PRKAR2B: variants seen among roughly 807,000 people sequenced by gnomAD.
PRKAR2B encodes protein kinase cAMP-dependent type II regulatory subunit beta.
A neutral mutation model predicts 49.9 loss-of-function variants in PRKAR2B; 14 were observed. That is an observed-to-expected ratio of 0.28 (90% CI 0.19 to 0.44). The LOEUF is 0.44. PRKAR2B is among the 20% of genes least tolerant of loss of function. The pLI, the probability that PRKAR2B is intolerant of heterozygous loss-of-function variation, is 1.00. For missense variants in PRKAR2B, 393 were observed against 537.9 expected (o/e 0.73, Z 2.67); for synonymous variants, 196 against 197.7 (o/e 0.99, Z 0.07).
In PRKAR2B at chr7:107,044,889, C is replaced by G. The variant is rs1030220286; in HGVS notation, c.-19C>G. The G allele has an allele frequency of 2.5e-6, 4 of 1,576,540 alleles. No individual in the cohort carries two copies. In the African/African-American group the frequency reaches 5.5e-5, roughly 22 times the overall value. ...GGGGGCGAGGGCGGCGCCCAGGCGCCTGCCGCCCCGGAGGCAGGATGAGCA... is the reference window on the plus strand; with the variant it reads ...GGGGGCGAGGGCGGCGCCCAGGCGCGTGCCGCCCCGGAGGCAGGATGAGCA... On this transcript the variant is annotated 5_prime_UTR_variant, in exon 1 of 11. Coordinates refer to ENST00000265717, the MANE Select transcript of PRKAR2B (RefSeq NM_002736.3).
intron 3 of PRKAR2B, among the ~76,000 whole-genome samples, chr7:107,122,755 C>G (rs1245267259): frequency 1.3e-5 from 2 of 152,154 alleles, no homozygotes; most frequent in African/African-American, 4.8e-5. Context: ...GGAGAAGCAG[C>G]TACTACGTCC....
intron 4 of PRKAR2B, among the ~76,000 whole-genome samples, chr7:107,132,536 A>G (rs1281576775): frequency 6.6e-6 from 1 of 152,178 alleles, no homozygotes; most frequent in African/African-American, 2.4e-5. Context: ...CCTGAACTCC[A>G]GGGAAGGGGG....
chr7:107,125,562 G>A (rs1346874375), intron 3 of PRKAR2B, among the ~76,000 whole-genome samples: 1 of 152,184 alleles, frequency 6.6e-6, no homozygotes, highest in East Asian at 1.9e-4. Context: ...AAATGTAGGA[G>A]AGCATCTTCA....
chr7:107,064,419 C>T (rs1055770326), intron 1 of PRKAR2B, among the ~76,000 whole-genome samples: 1 of 152,168 alleles, frequency 6.6e-6, no homozygotes, highest in African/African-American at 2.4e-5. Flanking sequence ...TCTTACTCTG[C>T]CCCACCTCCA....
chr7:107,054,989 T>C (rs35585362), intron 1 of PRKAR2B, among the ~76,000 whole-genome samples: 50,141 of 150,714 alleles, frequency 0.33, 8,528 homozygotes, highest in East Asian at 0.46. Context: ...CAGGCCCCAG[T>C]GTGTGATGTT....
At chr7:107,112,923 C>G (rs756312963) in intron 2 of PRKAR2B, among the ~76,000 whole-genome samples, 1 of 151,952 alleles carries the variant, frequency 6.6e-6, no homozygotes, top group African/African-American at 2.4e-5. Context: ...TCCCCTAAAG[C>G]CCATATTTGA....
chr7:107,119,493 A>G (rs1795350015), intron 2 of PRKAR2B, among the ~76,000 whole-genome samples: 3 of 152,158 alleles, frequency 2.0e-5, no homozygotes, highest in Admixed American at 6.5e-5. Flanking sequence ...ATTCCTGCCT[A>G]TGAAGTTGGC....
intron 2 of PRKAR2B, among the ~76,000 whole-genome samples, chr7:107,072,784 A>G (rs1245509908): frequency 6.6e-6 from 1 of 151,984 alleles, no homozygotes; most frequent in Non-Finnish European, 1.5e-5. Context: ...ATTGTATTTG[A>G]TAATTAAAAA....
intron 2 of PRKAR2B, among the ~76,000 whole-genome samples, chr7:107,093,039 C>T (rs1432680478): frequency 1.3e-5 from 2 of 152,138 alleles, no homozygotes; most frequent in East Asian, 1.9e-4. Flanking sequence ...CATGTTGTAG[C>T]GTGGGTCAGA....
intron 2 of PRKAR2B, among the ~76,000 whole-genome samples, chr7:107,100,921 C>G (rs1415097290): frequency 6.8e-6 from 1 of 147,356 alleles, no homozygotes; most frequent in African/African-American, 2.5e-5. Context: ...GCTCTGTGAA[C>G]ATATTTATAA....
At chr7:107,056,042 A>G (rs1793905225) in intron 1 of PRKAR2B, among the ~76,000 whole-genome samples, 1 of 152,234 alleles carries the variant, frequency 6.6e-6, no homozygotes, top group South Asian at 2.1e-4. Flanking sequence ...ATGGCTAGCC[A>G]GTTTTTCCAG....
chr7:107,154,052 G>A (rs1462644779), intron 8 of PRKAR2B, among the ~76,000 whole-genome samples: 1 of 151,940 alleles, frequency 6.6e-6, no homozygotes, highest in Non-Finnish European at 1.5e-5. Context: ...TAAATCTTTC[G>A]ATCAACACCC....
intron 1 of PRKAR2B, among the ~76,000 whole-genome samples, chr7:107,069,130 T>C (rs112271928): frequency 0.031 from 4,786 of 152,250 alleles, 251 homozygotes; most frequent in African/African-American, 0.11. Flanking sequence ...GAAATGGGGT[T>C]TCCTCATGTT....
intron 2 of PRKAR2B, among the ~76,000 whole-genome samples, chr7:107,085,435 G>A (rs1249174864): frequency 6.6e-6 from 1 of 151,892 alleles, no homozygotes; most frequent in African/African-American, 2.4e-5. Context: ...TTTTATAGTT[G>A]TGATTAGTAT....
chr7:107,128,179 T>C, intron 3 of PRKAR2B, 33 bp from the exon 4 acceptor site: 4 of 1,394,692 alleles, frequency 2.9e-6, no homozygotes, highest in Middle Eastern at 3.7e-4. Flanking sequence ...TATTGGCTAA[T>C]GTCTTTGTTT....
Position 107,047,037 on chromosome 7 carries a change from T to C in PRKAR2B, c.307+1823T>C, listed in dbSNP as rs1447139307. Among the ~76,000 whole-genome samples, 2 of 152,196 alleles carry C rather than the reference T, an allele frequency of 1.3e-5. 1 individual carries two copies. The highest frequency in any genetic ancestry group is 2.9e-5 in the Non-Finnish European group (2 of 68,026). On this transcript the variant is annotated intron_variant, in intron 1 of 10. Coordinates refer to ENST00000265717, the MANE Select transcript of PRKAR2B (RefSeq NM_002736.3). ...ACAGCAGGGGTCATTTTATATGGCT[T>C]TATATTCTCCAAGGCACCTTTGCTG...
At chr7:107,145,960 C>T (rs1795886003) in intron 5 of PRKAR2B, among the ~76,000 whole-genome samples, 1 of 152,110 alleles carries the variant, frequency 6.6e-6, no homozygotes, top group East Asian at 1.9e-4. Context: ...AGGCTGGTCT[C>T]AAACTCCTAA....
chr7:107,056,485 A>G (rs1793914299), intron 1 of PRKAR2B, among the ~76,000 whole-genome samples: 1 of 152,046 alleles, frequency 6.6e-6, no homozygotes, highest in Admixed American at 6.6e-5. Context: ...ATCCTCTTTT[A>G]TTTCATTGAG....
intron 4 of PRKAR2B, among the ~76,000 whole-genome samples, chr7:107,135,896 C>T (rs1467210779): frequency 1.8e-4 from 28 of 152,060 alleles, no homozygotes; most frequent in East Asian, 3.8e-4. Context: ...AGGAAAAGAA[C>T]AAAGTTAAAG....
Sources: allele counts gnomAD v4.1 joint callset (sites outside exome capture counted in the v4.1 genomes callset), GRCh38; gene constraint gnomAD v4.1.1; transcripts MANE v1.5; gene names NCBI Gene and HGNC (gene_info 2026-07-23, HGNC 2026-07-21).